The following URB2 variants were observed in gnomAD, a reference collection of about 807,000 sequenced individuals.
URB2 encodes the protein URB2 ribosome biogenesis homolog.
Under a neutral mutation model 120.9 loss-of-function variants are expected in URB2, and 86 were observed. That is an observed-to-expected ratio of 0.71 (90% CI 0.60 to 0.85). URB2 has a LOEUF of 0.85. Ranked by LOEUF, URB2 falls within the 40% of genes least tolerant of loss-of-function variation. The pLI is 0.00. For missense variants in URB2, 1,765 were observed against 1,836.5 expected (o/e 0.96, Z 0.71); for synonymous variants, 755 against 758.4 (o/e 1.00, Z 0.07).
intron 3 of URB2, among the ~76,000 whole-genome samples, chr1:229,633,495 G>A (rs1224680687): frequency 1.3e-5 from 2 of 152,146 alleles, no homozygotes; most frequent in African/African-American, 2.4e-5. Flanking sequence ...AAATCGATGA[G>A]TTGTATCATC....
chr1:229,645,819 ACGCTATCT>A (rs1341691755), intron 5 of URB2, 32 bp from the exon 6 acceptor site: 1 of 1,559,668 alleles, frequency 6.4e-7, no homozygotes, highest in African/African-American at 1.4e-5. Flanking sequence ...AAGGGAGAAC[ACGCTATCT>A]CTGCCGCTAA....
chr1:229,631,323 T>G (rs896983251), intron 2 of URB2, among the ~76,000 whole-genome samples: 1 of 152,248 alleles, frequency 6.6e-6, no homozygotes. Context: ...CCACTAAAAC[T>G]TTCTCCATAT....
At position 229,635,653 on chromosome 1, in the gene URB2, C is replaced by T. The variant is rs1665784551; in HGVS notation, c.1040C>T (p.Ala347Val). 1 of 1,614,150 alleles carries T rather than the reference C, an allele frequency of 6.2e-7. No homozygotes were observed. The highest frequency in any genetic ancestry group is 8.5e-7 in the Non-Finnish European group (1 of 1,180,042). Residue 347 changes from alanine to valine, a missense_variant, in exon 4 of 10, where the codon GCC becomes GTC. Transcript: ENST00000258243. ...ISHLQEEQSKALSTSDWTTEL... is the reference protein window; with the variant it reads ...ISHLQEEQSKVLSTSDWTTEL... Reference sequence around the variant, plus strand: ...CACCTGCAGGAGGAGCAGAGCAAAGCCCTGTCCACATCAGATTGGACCACA... The same window carrying T: ...CACCTGCAGGAGGAGCAGAGCAAAGTCCTGTCCACATCAGATTGGACCACA...
In URB2 at chr1:229,637,708, G is replaced by A. The variant is rs780185806; in HGVS notation, c.3095G>A (p.Ser1032Asn). 1 of 1,614,098 alleles carries A rather than the reference G, an allele frequency of 6.2e-7. No individual in the cohort carries two copies. The highest frequency in any genetic ancestry group is 1.3e-5 in the African/African-American group (1 of 74,942). The change falls in exon 4 of 10, where the codon AGT (serine) becomes AAT (asparagine). Residue 1032 changes from serine to asparagine, a missense_variant. Coordinates refer to ENST00000258243, the MANE Select transcript of URB2 (RefSeq NM_014777.4). ...NFRKITAFLSSSKPYTEAASS... is the reference protein window; with the variant it reads ...NFRKITAFLSNSKPYTEAASS... ...AGAAAAATCACCGCATTCCTCTCTA[G>A]TTCCAAACCATACACGGAGGCAGCT... is the stretch of plus-strand genomic sequence containing the variant.
At position 229,636,036 on chromosome 1, in the gene URB2, G is replaced by C. The variant is rs147800865; in HGVS notation, c.1423G>C (p.Gly475Arg). The change falls in exon 4 of 10, where the codon GGG becomes CGG. Residue 475 changes from glycine to arginine, a missense_variant. By Grantham distance (125) the Gly-to-Arg change is moderately radical. Coordinates refer to ENST00000258243, the MANE Select transcript of URB2 (RefSeq NM_014777.4). The part of the protein sequence containing the change: ...QVPRLFEEVL[G>R]VICRPAAEAL... ...GCCACGGTTGTTTGAAGAGGTTTTG[G>C]GGGTGATCTGTCGTCCAGCTGCTGA... is the stretch of plus-strand genomic sequence containing the variant. The C allele has an allele frequency of 3.7e-6, 6 of 1,614,090 alleles. No homozygotes were observed. In the South Asian group the frequency reaches 5.5e-5, roughly 15 times the overall value.
intron 2 of URB2, among the ~76,000 whole-genome samples, chr1:229,628,213 C>T (rs1558160275): frequency 2.1e-5 from 3 of 141,348 alleles, no homozygotes; most frequent in South Asian, 2.2e-4. Flanking sequence ...ATATATTATA[C>T]ATATACATAT....
intron 3 of URB2, among the ~76,000 whole-genome samples, 155 bp downstream of exon 3, chr1:229,632,600 A>G (rs540836258): frequency 1.2e-4 from 18 of 152,250 alleles, no homozygotes; most frequent in Non-Finnish European, 2.6e-4. Context: ...AATAGTAACT[A>G]TTGAATGTGT....
chr1:229,660,153 A>G lies in URB2; in HGVS notation c.*856A>G, dbSNP rs1666490222. 6.6e-6 allele frequency: 1 copy of G among 152,204 alleles called. No individual in the cohort carries two copies. Among genetic ancestry groups the G allele is most frequent in the Admixed American group, 6.5e-5 (1 of 15,280 alleles). 9.4% of individuals were successfully genotyped at this position (152,204 alleles called of 1,614,324 possible). A position where few individuals can be genotyped will look rare whatever the true frequency, so the allele number is the denominator to read the frequency against. On this transcript the variant is annotated 3_prime_UTR_variant, in exon 10 of 10. Coordinates refer to ENST00000258243, the MANE Select transcript of URB2 (RefSeq NM_014777.4). ...TGTATGTATATAGATGTGCATATAA[A>G]TATATATAGTAGCTAAATTGGATCA...
intron 3 of URB2, among the ~76,000 whole-genome samples, chr1:229,633,657 T>C (rs1665724356): frequency 6.6e-6 from 1 of 152,160 alleles, no homozygotes; most frequent in Non-Finnish European, 1.5e-5. Flanking sequence ...ACTTAGCACC[T>C]GGGATAGGTT....
chr1:229,645,758 C>T lies in URB2; in HGVS notation c.3796-101C>T, dbSNP rs139839291. 175 of 1,037,934 alleles carry T rather than the reference C, an allele frequency of 1.7e-4. No homozygotes were observed. In the African/African-American group the frequency reaches 2.3e-3, roughly 13 times the overall value. 64.3% of individuals were successfully genotyped at this position (1,037,934 alleles called of 1,614,324 possible). ...CCCTGACACCAGGGCTCTCAATCCA[C>T]TCCAACGCCACAGCCCCAGAGAGCA... On this transcript the variant is annotated intron_variant, in intron 5 of 9. Transcript: ENST00000258243.
At chr1:229,653,936 G>GTTTTTT (rs760894683) in intron 8 of URB2, among the ~76,000 whole-genome samples, 9 of 60,556 alleles carry the variant, frequency 1.5e-4, no homozygotes, top group African/African-American at 3.4e-4. Flanking sequence ...CCATCTTGGT[G>GTTTTTT]TTTTTTTTTT....
At chr1:229,656,124 T>C (rs1042196923) in intron 9 of URB2, among the ~76,000 whole-genome samples, 1 of 152,218 alleles carries the variant, frequency 6.6e-6, no homozygotes, top group East Asian at 1.9e-4. Context: ...GATGTGGGCT[T>C]GTAGTTTGGT....
intron 2 of URB2, among the ~76,000 whole-genome samples, chr1:229,629,020 T>C (rs560823375): frequency 6.6e-6 from 1 of 152,206 alleles, no homozygotes; most frequent in Non-Finnish European, 1.5e-5. Flanking sequence ...TAGCAGCCAA[T>C]TGGATCAAGG....
At position 229,635,210 on chromosome 1, in the gene URB2, T is replaced by C; in HGVS notation, c.597T>C (p.Ala199=). ...GACGTGCCTTTGGGGATGTGACTGCTCACCTGCTCCAGCCGTGCCTGGTCC... is the reference window on the plus strand; with the variant it reads ...GACGTGCCTTTGGGGATGTGACTGCCCACCTGCTCCAGCCGTGCCTGGTCC... The part of the protein sequence containing the change: ...NPRRAFGDVT[A]HLLQPCLVLR... Residue 199 remains alanine (A), a synonymous_variant, in exon 4 of 10, where the codon GCT becomes GCC. Coordinates refer to ENST00000258243, the MANE Select transcript of URB2 (RefSeq NM_014777.4). 1 of 1,614,228 alleles carries C rather than the reference T, an allele frequency of 6.2e-7. No homozygotes were observed. Among genetic ancestry groups the C allele is most frequent in the Non-Finnish European group, 8.5e-7 (1 of 1,180,040 alleles).
intron 9 of URB2, 128 bp from the exon 10 acceptor site, chr1:229,658,972 C>T (rs1292396992): frequency 1.8e-5 from 15 of 824,434 alleles, no homozygotes; most frequent in South Asian, 9.9e-5. Flanking sequence ...AAGTGAATGT[C>T]GATTTTTTTC....
At chr1:229,651,343 A>C (rs372097047) in intron 8 of URB2, 21 bp downstream of exon 8, 1 of 1,601,808 alleles carries the variant, frequency 6.2e-7, no homozygotes, top group African/African-American at 1.3e-5. Context: ...GTAACATCAG[A>C]CACAGTTTCA....
At chr1:229,631,455 G>T (rs1430795608) in intron 2 of URB2, among the ~76,000 whole-genome samples, 1 of 152,126 alleles carries the variant, frequency 6.6e-6, no homozygotes, top group African/African-American at 2.4e-5. Context: ...GCTTGGTTTT[G>T]GTCTATCTCA....
chr1:229,652,118 G>T (rs951330569), intron 8 of URB2, among the ~76,000 whole-genome samples: 11 of 151,860 alleles, frequency 7.2e-5, no homozygotes, highest in Non-Finnish European at 1.0e-4. Flanking sequence ...GGAGGCGGAG[G>T]TTGCAATGAG....
rs757182851 is a variant in URB2 at position 229,637,697 on chromosome 1, A to C, written c.3084A>C (p.Ala1028=). 4 of 1,614,146 alleles carry C rather than the reference A, an allele frequency of 2.5e-6. No homozygotes were observed. The highest frequency in any genetic ancestry group is 1.3e-5 in the African/African-American group (1 of 74,948). Residue 1028 remains alanine (A), a synonymous_variant, in exon 4 of 10, where the codon GCA becomes GCC. Coordinates refer to ENST00000258243, the MANE Select transcript of URB2 (RefSeq NM_014777.4). The part of the protein sequence containing the change: ...SLVLNFRKIT[A]FLSSSKPYTE... ...TGCTCAATTTTAGAAAAATCACCGCATTCCTCTCTAGTTCCAAACCATACA... is the reference window on the plus strand; with the variant it reads ...TGCTCAATTTTAGAAAAATCACCGCCTTCCTCTCTAGTTCCAAACCATACA...
Sources: allele counts gnomAD v4.1 joint callset (sites outside exome capture counted in the v4.1 genomes callset), GRCh38; gene constraint gnomAD v4.1.1; transcripts MANE v1.5; gene names NCBI Gene and HGNC (gene_info 2026-07-23, HGNC 2026-07-21).